Variants in DHRSX observed in about 807,000 individuals in gnomAD.
DHRSX encodes the protein polyprenol dehydrogenase.
DHRSX carries 31 observed loss-of-function variants against 34.0 expected under a neutral mutation model. The ratio of observed to expected loss-of-function variants is 0.91; its 90% confidence interval spans 0.69 to 1.23. DHRSX has a LOEUF of 1.23. DHRSX is among the 50% of genes most tolerant of loss of function. DHRSX has a pLI of 0.00. For synonymous variants in DHRSX, 201 were observed against 183.8 expected (o/e 1.09, Z -0.76); for missense variants, 414 against 428.1 (o/e 0.97, Z 0.29).
At chrX:2,482,339 G>A (rs1486893360) in intron 1 of DHRSX, among the ~76,000 whole-genome samples, 1 of 151,946 alleles carries the variant, frequency 6.6e-6, no homozygotes, top group East Asian at 1.9e-4. Flanking sequence ...ATGTTGACCA[G>A]GCTGGTCTCA....
At chrX:2,353,142 G>C (rs2042807700) in intron 3 of DHRSX, among the ~76,000 whole-genome samples, 1 of 152,176 alleles carries the variant, frequency 6.6e-6, no homozygotes, top group Admixed American at 6.6e-5. Context: ...CTACTCGAGA[G>C]ACTGAGGTGG....
intron 3 of DHRSX, among the ~76,000 whole-genome samples, chrX:2,330,732 G>A (rs919062901): frequency 7.3e-5 from 11 of 151,094 alleles, no homozygotes; most frequent in African/African-American, 2.4e-4. Flanking sequence ...GGAAGAAGTA[G>A]GAGGGGAAGA....
At chrX:2,402,253 G>A (rs1350239444) in intron 3 of DHRSX, among the ~76,000 whole-genome samples, 2 of 152,232 alleles carry the variant, frequency 1.3e-5, no homozygotes, top group Admixed American at 6.5e-5. Context: ...GAGCAAGAAC[G>A]AAACAGCACA....
At chrX:2,265,491 AG>A in intron 5 of DHRSX, among the ~76,000 whole-genome samples, 1 of 131,790 alleles carries the variant, frequency 7.6e-6, no homozygotes, top group African/African-American at 2.9e-5. Flanking sequence ...CAGCAGAAGC[AG>A]GGAGCACTGT....
intron 3 of DHRSX, among the ~76,000 whole-genome samples, chrX:2,314,845 G>T (rs1282447618): frequency 2.0e-5 from 3 of 152,024 alleles, no homozygotes; most frequent in Non-Finnish European, 4.4e-5. Flanking sequence ...AAACACTATG[G>T]CTCGGAAGTC....
At chrX:2,492,614 G>A (rs188411146) in intron 1 of DHRSX, among the ~76,000 whole-genome samples, 1 of 152,066 alleles carries the variant, frequency 6.6e-6, no homozygotes, top group Non-Finnish European at 1.5e-5. Flanking sequence ...TGCAGTGACA[G>A]ATGTCCTTAT....
At chrX:2,463,315 C>A (rs1425836916) in intron 1 of DHRSX, among the ~76,000 whole-genome samples, 4 of 152,032 alleles carry the variant, frequency 2.6e-5, no homozygotes, top group Non-Finnish European at 5.9e-5. Flanking sequence ...GACTCCGTCT[C>A]AAAACAACAA....
At position 2,371,297 on chromosome X, in the gene DHRSX, T is replaced by TC. The variant is rs199841254; in HGVS notation, c.286+37447dup. 5.5e-3 allele frequency among the ~76,000 whole-genome samples: 805 copies of TC among 147,338 alleles called. 5 individuals are homozygous for TC. The highest frequency in any genetic ancestry group is 0.019 in the African/African-American group (753 of 39,568). On this transcript the variant is annotated intron_variant, in intron 3 of 6. Coordinates refer to ENST00000334651, the MANE Select transcript of DHRSX (RefSeq NM_145177.3). Reference sequence around the variant, plus strand: ...CTACTTCTGTTACCATAGTCCCTCCTCCATTACCATAGACCCTCCTCCCGT... The same window carrying TC: ...CTACTTCTGTTACCATAGTCCCTCCTCCCATTACCATAGACCCTCCTCCCGT...
rs1024304621 is a variant in DHRSX at position 2,311,258 on chromosome X, A to G, written c.287-19655T>C. On this transcript the variant is annotated intron_variant, in intron 3 of 6. Transcript: ENST00000334651. ...AGAGAGAGAGACATACAGAGAGAGAAAGAGAGAGATGGGGAGAGAGCTGCC... is the reference window on the plus strand; with the variant it reads ...AGAGAGAGAGACATACAGAGAGAGAGAGAGAGAGATGGGGAGAGAGCTGCC... Among the ~76,000 whole-genome samples the G allele has an allele frequency of 5.9e-5, 9 of 151,804 alleles. No individual in the cohort carries two copies. In the East Asian group the frequency reaches 1.2e-3, roughly 20 times the overall value.
At chrX:2,300,685 G>T (rs757014137) in intron 3 of DHRSX, among the ~76,000 whole-genome samples, 1 of 152,216 alleles carries the variant, frequency 6.6e-6, no homozygotes, top group East Asian at 1.9e-4. Flanking sequence ...TTAGCACTCG[G>T]GCTGGCTTCC....
At chrX:2,464,008 T>G (rs960285779) in intron 1 of DHRSX, among the ~76,000 whole-genome samples, 5 of 152,096 alleles carry the variant, frequency 3.3e-5, no homozygotes, top group African/African-American at 4.8e-5. Context: ...TCGCTAAGAA[T>G]ATGGCTAAGA....
rs968811329 is a variant in DHRSX, at chrX:2,473,661, G to C, written c.109+27156C>G. Reference sequence around the variant, plus strand: ...AAAAAAAAAGAATGAAAGGTGCACAGAGGCAGCCAGGACACAAGCCCCTTC... The same window carrying C: ...AAAAAAAAAGAATGAAAGGTGCACACAGGCAGCCAGGACACAAGCCCCTTC... On this transcript the variant is annotated intron_variant, in intron 1 of 6. Transcript: ENST00000334651. Among the ~76,000 whole-genome samples, 15 of 141,042 alleles carry C rather than the reference G, an allele frequency of 1.1e-4. 2 individuals carry two copies. Among genetic ancestry groups the C allele is most frequent in the Non-Finnish European group, 2.1e-4 (14 of 65,950 alleles). 92.5% of individuals were successfully genotyped at this position (141,042 alleles called of 152,430 possible).
At chrX:2,283,439 A>G (rs918335331) in intron 4 of DHRSX, among the ~76,000 whole-genome samples, 1 of 152,156 alleles carries the variant, frequency 6.6e-6, no homozygotes, top group African/African-American at 2.4e-5. Context: ...TGCAGACTCA[A>G]GGATCCGCTG....
At chrX:2,393,907 C>T (rs1403477556) in intron 3 of DHRSX, among the ~76,000 whole-genome samples, 2 of 151,558 alleles carry the variant, frequency 1.3e-5, no homozygotes, top group South Asian at 2.1e-4. Flanking sequence ...GTCTCCTGCA[C>T]ACACGACACA....
intron 1 of DHRSX, among the ~76,000 whole-genome samples, chrX:2,432,082 G>T (rs376945448): frequency 2.7e-4 from 41 of 151,988 alleles, no homozygotes; most frequent in Admixed American, 1.4e-3. Context: ...TAATCCCAGC[G>T]ACTCGGGAGG....
Position 2,397,571 on chromosome X carries a change from C to CA in DHRSX, c.286+11173dup, listed in dbSNP as rs34214122. On this transcript the variant is annotated intron_variant, in intron 3 of 6. Coordinates refer to ENST00000334651, the MANE Select transcript of DHRSX (RefSeq NM_145177.3). ...CTCTACCTCGGTTCTCATTCACAGA[C>CA]AAAAAAAAAAACAACAGTAACACAG... is the stretch of plus-strand genomic sequence containing the variant. Among the ~76,000 whole-genome samples the CA allele has an allele frequency of 1.9e-3, 279 of 147,698 alleles. 2 individuals are homozygous for CA. Among genetic ancestry groups the CA allele is most frequent in the African/African-American group, 6.0e-3 (239 of 40,152 alleles).
intron 3 of DHRSX, among the ~76,000 whole-genome samples, chrX:2,316,508 C>T (rs1318669464): frequency 6.6e-6 from 1 of 152,024 alleles, no homozygotes; most frequent in African/African-American, 2.4e-5. Context: ...GCCGAGATTG[C>T]ACCACTGCAC....
intron 1 of DHRSX, among the ~76,000 whole-genome samples, chrX:2,431,577 TA>T (rs1419529125): frequency 3.3e-5 from 5 of 152,114 alleles, no homozygotes; most frequent in Non-Finnish European, 7.4e-5. Context: ...ATGCACCCAT[TA>T]AAAAGAATGA....
At chrX:2,233,480 A>C (rs1602767791) in intron 6 of DHRSX, among the ~76,000 whole-genome samples, 1 of 152,138 alleles carries the variant, frequency 6.6e-6, no homozygotes, top group Non-Finnish European at 1.5e-5. Flanking sequence ...AACAGACACA[A>C]GAGCATCTTT....
Sources: allele counts gnomAD v4.1 joint callset (sites outside exome capture counted in the v4.1 genomes callset), GRCh38; gene constraint gnomAD v4.1.1; transcripts MANE v1.5; gene names NCBI Gene and HGNC (gene_info 2026-07-23, HGNC 2026-07-21).